Variants in MSRB3 observed in about 807,000 individuals in gnomAD.
MSRB3 encodes the protein methionine sulfoxide reductase B3.
MSRB3 carries 13 observed loss-of-function variants against 21.0 expected under a neutral mutation model. That is an observed-to-expected ratio of 0.62 (90% CI 0.40 to 0.98). The LOEUF (loss-of-function observed/expected upper bound fraction) is 0.98, where lower values mean the gene tolerates loss of function less well. Ranked by LOEUF, MSRB3 falls within the 50% of genes least tolerant of loss-of-function variation. The pLI, the probability that MSRB3 is intolerant of heterozygous loss-of-function variation, is 0.00. For synonymous variants in MSRB3, 87 were observed against 88.6 expected, an observed-to-expected ratio of 0.98 and a Z score of 0.10; for missense variants, 199 against 230.3, an observed-to-expected ratio of 0.86 and a Z score of 0.88.
chr12:65,371,949 G>T (rs1336615511), intron 5 of MSRB3, among the ~76,000 whole-genome samples: 1 of 152,016 alleles, frequency 6.6e-6, no homozygotes, highest in Admixed American at 6.6e-5. Flanking sequence ...AGAAAGTATA[G>T]TGTGATTAGC....
At chr12:65,357,362 T>A (rs1877446342) in intron 4 of MSRB3, among the ~76,000 whole-genome samples, 1 of 151,936 alleles carries the variant, frequency 6.6e-6, no homozygotes, top group South Asian at 2.1e-4. Flanking sequence ...CCTGTCTTCT[T>A]TGGCTTTTTA....
intron 4 of MSRB3, among the ~76,000 whole-genome samples, chr12:65,332,772 C>CA (rs1565838509): frequency 6.6e-6 from 1 of 152,086 alleles, no homozygotes; most frequent in South Asian, 2.1e-4. Flanking sequence ...TACTTCCTCA[C>CA]AAAAAAGGCT....
chr12:65,377,842 T>C (rs772163410), intron 5 of MSRB3, among the ~76,000 whole-genome samples: 1 of 152,234 alleles, frequency 6.6e-6, no homozygotes, highest in African/African-American at 2.4e-5. Context: ...ATGTCATTTT[T>C]AGGTTAAGGG....
chr12:65,428,400 A>C (rs530884487), intron 5 of MSRB3, among the ~76,000 whole-genome samples: 78 of 151,878 alleles, frequency 5.1e-4, no homozygotes, highest in Non-Finnish European at 4.4e-5. Context: ...ATAGCTGTCT[A>C]TGTTTATTTT....
intron 5 of MSRB3, among the ~76,000 whole-genome samples, chr12:65,429,601 C>A (rs1881780725): frequency 6.6e-6 from 1 of 152,134 alleles, no homozygotes; most frequent in South Asian, 2.1e-4. Context: ...CCTTAGGCTT[C>A]ATTTCTCTCC....
intron 5 of MSRB3, among the ~76,000 whole-genome samples, chr12:65,432,289 A>G (rs1034307921): frequency 2.0e-5 from 3 of 152,004 alleles, no homozygotes; most frequent in African/African-American, 7.2e-5. Flanking sequence ...TACATAATCT[A>G]TATCCATATG....
chr12:65,355,219 T>A (rs1017950235), intron 4 of MSRB3, among the ~76,000 whole-genome samples: 2 of 151,878 alleles, frequency 1.3e-5, no homozygotes, highest in Admixed American at 6.6e-5. Context: ...TTTTCAGTAT[T>A]CCGTTTTTTG....
At chr12:65,318,255 A>G (rs148817413) in intron 2 of MSRB3, among the ~76,000 whole-genome samples, 2 of 152,224 alleles carry the variant, frequency 1.3e-5, no homozygotes, top group African/African-American at 4.8e-5. Flanking sequence ...GAAATTTGCA[A>G]AGCTGAGTTT....
intron 5 of MSRB3, 148 bp downstream of exon 5, chr12:65,369,174 T>C (rs1251519774): frequency 6.2e-6 from 4 of 642,700 alleles, no homozygotes; most frequent in Non-Finnish European, 1.1e-5. Context: ...AGCAGGGCTA[T>C]TGACTGCATC....
chr12:65,352,500 A>G lies in MSRB3; in HGVS notation c.264-16498A>G, dbSNP rs1477544392. Among the ~76,000 whole-genome samples the G allele has an allele frequency of 2.0e-5, 3 of 151,502 alleles. No individual in the cohort carries two copies. In the East Asian group the frequency reaches 5.8e-4, roughly 29 times the overall value. On this transcript the variant is annotated intron_variant, in intron 4 of 6. Transcript: ENST00000308259. The stretch of plus-strand genomic sequence containing the variant: ...AGGAGAAGGAAATAAAGGGTATTCA[A>G]TTAGGAAAAGAAGAAGTCAAATTGT...
intron 5 of MSRB3, among the ~76,000 whole-genome samples, chr12:65,416,394 T>C (rs1494505): frequency 0.54 from 81,554 of 152,000 alleles, 22,350 homozygotes; most frequent in Non-Finnish European, 0.62. Context: ...ATCTTTGTGA[T>C]CCCATGTAAC....
chr12:65,433,415 A>C (rs549903588), intron 5 of MSRB3, among the ~76,000 whole-genome samples: 2 of 151,798 alleles, frequency 1.3e-5, no homozygotes, highest in African/African-American at 4.8e-5. Context: ...TTAAAAAAAA[A>C]TTTTTTTAAT....
chr12:65,463,051 C>A, intron 6 of MSRB3, 104 bp from the exon 7 acceptor site: 3 of 1,377,954 alleles, frequency 2.2e-6, no homozygotes, highest in Admixed American at 1.7e-5. Context: ...TGGTTTCCTT[C>A]ATTTCTCTAC....
intron 4 of MSRB3, among the ~76,000 whole-genome samples, chr12:65,352,310 A>G (rs1427468037): frequency 6.6e-6 from 1 of 151,820 alleles, no homozygotes; most frequent in Non-Finnish European, 1.5e-5. Flanking sequence ...GATGGGACGT[A>G]TTTCAAAATA....
chr12:65,340,767 A>G (rs1876084436), intron 4 of MSRB3, among the ~76,000 whole-genome samples: 1 of 152,068 alleles, frequency 6.6e-6, no homozygotes, highest in African/African-American at 2.4e-5. Flanking sequence ...CAGAGATGGA[A>G]AAAACTATTT....
chr12:65,315,487 T>G (rs534441846), intron 2 of MSRB3, among the ~76,000 whole-genome samples: 1 of 152,046 alleles, frequency 6.6e-6, no homozygotes, highest in East Asian at 1.9e-4. Flanking sequence ...CTGGCCAACA[T>G]AGTGAAACCC....
At chr12:65,329,286 T>G (rs2136454556) in intron 4 of MSRB3, among the ~76,000 whole-genome samples, 1 of 152,214 alleles carries the variant, frequency 6.6e-6, no homozygotes, top group South Asian at 2.1e-4. Context: ...GTGGAGAAAA[T>G]TCTAGAAGCC....
intron 5 of MSRB3, among the ~76,000 whole-genome samples, chr12:65,380,610 A>G (rs956114697): frequency 2.6e-5 from 4 of 152,146 alleles, no homozygotes; most frequent in African/African-American, 9.7e-5. Context: ...CTCTGTGGCC[A>G]ATAATAATAA....
intron 5 of MSRB3, among the ~76,000 whole-genome samples, chr12:65,445,649 A>T (rs372937062): frequency 3.6e-5 from 5 of 140,680 alleles, no homozygotes; most frequent in African/African-American, 1.1e-4. Context: ...CATATATATA[A>T]TTTTTTTTTT....
Sources: allele counts gnomAD v4.1 joint callset (sites outside exome capture counted in the v4.1 genomes callset), GRCh38; gene constraint gnomAD v4.1.1; transcripts MANE v1.5; gene names NCBI Gene and HGNC (gene_info 2026-07-23, HGNC 2026-07-21).